The following CTNNAL1 variants were observed in gnomAD, a reference collection of about 807,000 sequenced individuals.
CTNNAL1 encodes alpha-catulin.
CTNNAL1 carries 69 observed loss-of-function variants against 93.6 expected under a neutral mutation model. The ratio of observed to expected loss-of-function variants is 0.74; its 90% CI spans 0.61 to 0.90. The LOEUF (loss-of-function observed/expected upper bound fraction) is 0.90. Among genes scored for constraint, CTNNAL1 ranks in the 40% least tolerant of loss-of-function variants. The probability of loss-of-function intolerance (pLI) is 0.00; values close to 1 mark genes in which losing one functional copy is unlikely to be tolerated. For synonymous variants in CTNNAL1, 286 were observed against 305.4 expected (o/e 0.94, Z 0.66); for missense variants, 836 against 862.0 (o/e 0.97, Z 0.38).
chr9:108,976,636 T>C (rs1388555954), intron 8 of CTNNAL1, among the ~76,000 whole-genome samples: 2 of 152,102 alleles, frequency 1.3e-5, no homozygotes, highest in Non-Finnish European at 2.9e-5. Context: ...GATCAGGTGA[T>C]TCTCCCACTT....
chr9:108,992,618 A>G lies in CTNNAL1; in HGVS notation c.519+14T>C. On this transcript the variant is annotated intron_variant, in intron 3 of 18. Transcript: ENST00000325551. ...AGAAAGACAAAAATACAGCAACATCAGAAAGGTAAGTACCTTATTTCTTGA... is the reference window on the plus strand; with the variant it reads ...AGAAAGACAAAAATACAGCAACATCGGAAAGGTAAGTACCTTATTTCTTGA... The G allele has an allele frequency of 1.0e-5, 16 of 1,590,130 alleles. No individual in the cohort carries two copies. Among genetic ancestry groups the G allele is most frequent in the Non-Finnish European group, 1.4e-5 (16 of 1,169,652 alleles).
intron 14 of CTNNAL1, chr9:108,950,807 T>G: frequency 1.7e-6 from 1 of 574,252 alleles, no homozygotes; most frequent in Non-Finnish European, 3.0e-6. Context: ...CTTCCATGTG[T>G]TTTATAGAGA....
chr9:108,972,869 T>TG, intron 8 of CTNNAL1, 36 bp from the exon 9 acceptor site: 5 of 1,141,204 alleles, frequency 4.4e-6, no homozygotes, highest in Non-Finnish European at 5.9e-6. Context: ...GGTGGGAGGG[T>TG]GGAGAAGGAG....
At chr9:108,964,966 G>A (rs1176963654) in intron 11 of CTNNAL1, among the ~76,000 whole-genome samples, 2 of 152,020 alleles carry the variant, frequency 1.3e-5, no homozygotes, top group African/African-American at 4.8e-5. Context: ...GGGTTCAAGT[G>A]ATTCTCGTGC....
chr9:108,960,592 C>T (rs1830798377), intron 11 of CTNNAL1, among the ~76,000 whole-genome samples: 1 of 152,174 alleles, frequency 6.6e-6, no homozygotes, highest in Non-Finnish European at 1.5e-5. Context: ...AACTGCCCTA[C>T]ATAGTTTAGT....
chr9:108,962,215 C>T (rs2132113288), intron 11 of CTNNAL1, among the ~76,000 whole-genome samples: 1 of 152,280 alleles, frequency 6.6e-6, no homozygotes, highest in Admixed American at 6.5e-5. Context: ...AGAAAATGGA[C>T]ATCCAGCACT....
At chr9:108,946,160 G>A (rs963925403) in intron 15 of CTNNAL1, among the ~76,000 whole-genome samples, 11 of 152,100 alleles carry the variant, frequency 7.2e-5, no homozygotes, top group South Asian at 4.1e-4. Context: ...TTAGCTGGGC[G>A]TGGTAGCGCA....
chr9:108,984,481 C>A, intron 4 of CTNNAL1, 45 bp from the exon 5 acceptor site: 2 of 1,046,630 alleles, frequency 1.9e-6, no homozygotes, highest in Non-Finnish European at 1.5e-6. Context: ...ACCATGTGAA[C>A]AACCCAATTT....
intron 12 of CTNNAL1, among the ~76,000 whole-genome samples, chr9:108,953,335 G>A (rs1830612052): frequency 6.6e-6 from 1 of 152,182 alleles, no homozygotes; most frequent in African/African-American, 2.4e-5. Context: ...CCACAGAGGG[G>A]ATTCCTCCAA....
intron 17 of CTNNAL1, among the ~76,000 whole-genome samples, chr9:108,943,423 G>A (rs1022379783): frequency 6.6e-6 from 1 of 152,128 alleles, no homozygotes. Flanking sequence ...GACCAGACTC[G>A]GAGGCACCTG....
chr9:108,990,736 T>A lies in CTNNAL1; in HGVS notation c.629A>T (p.Asp210Val), dbSNP rs1272766622. 2 of 1,612,052 alleles carry A rather than the reference T, an allele frequency of 1.2e-6. No individual in the cohort carries two copies. Among genetic ancestry groups the A allele is most frequent in the African/African-American group, 1.3e-5 (1 of 74,974 alleles). The change falls in exon 4 of 19, where the codon GAT becomes GTT. Residue 210 changes from aspartate (D) to valine (V), a missense_variant. Asp to Val is a radical substitution (Grantham distance 152). Coordinates refer to ENST00000325551, the MANE Select transcript of CTNNAL1 (RefSeq NM_003798.4). Reference sequence around the variant, plus strand: ...GTGATGAATACATACATTTTGTCTATCTCCACTCAGATGTGCAAACTCCAC... The same window carrying A: ...GTGATGAATACATACATTTTGTCTAACTCCACTCAGATGTGCAAACTCCAC... ...EMVEFAHLSG[D>V]RQNDLKDEKK...
At chr9:108,942,868 C>T in intron 18 of CTNNAL1, 34 bp from the exon 19 acceptor site, 1 of 1,611,830 alleles carries the variant, frequency 6.2e-7, no homozygotes, top group Non-Finnish European at 8.5e-7. Flanking sequence ...TATCTGGTTT[C>T]ACTCTGAAAA....
rs780988926 is a variant in CTNNAL1, at chr9:108,952,546, T to C, written c.1630-52A>G. The C allele has an allele frequency of 3.1e-6, 5 of 1,601,852 alleles. No individual in the cohort carries two copies. The Admixed American group carries it at 5.1e-5, about 16-fold the overall frequency. On this transcript the variant is annotated intron_variant, in intron 12 of 18. Coordinates refer to ENST00000325551, the MANE Select transcript of CTNNAL1 (RefSeq NM_003798.4). ...TCTTAAAAAGCAGTACATTAAACTG[T>C]AAGGAAATACAATAGTAATACAAAG...
rs1397793951 is a variant in CTNNAL1, at chr9:109,002,416, G to A, written c.142-3160C>T. Among the ~76,000 whole-genome samples, 8 of 152,126 alleles carry A rather than the reference G, an allele frequency of 5.3e-5. No homozygotes were observed. The East Asian group carries it at 5.8e-4, about 11-fold the overall frequency. Reference sequence around the variant, plus strand: ...CCAACAATCAGGCCATAGCAGAAGCGACGGGTAAAAGCTTAAGGAAAAGTG... The same window carrying A: ...CCAACAATCAGGCCATAGCAGAAGCAACGGGTAAAAGCTTAAGGAAAAGTG... On this transcript the variant is annotated intron_variant, in intron 1 of 18. Coordinates refer to ENST00000325551, the MANE Select transcript of CTNNAL1 (RefSeq NM_003798.4).
Position 108,972,814 on chromosome 9 carries a change from T to C in CTNNAL1, c.1208A>G (p.Gln403Arg), listed in dbSNP as rs748578528. 2 of 1,481,670 alleles carry C rather than the reference T, an allele frequency of 1.3e-6. No individual in the cohort carries two copies. The highest frequency in any genetic ancestry group is 2.0e-5 in the Admixed American group (1 of 51,020). 91.8% of individuals were successfully genotyped at this position (1,481,670 alleles called of 1,614,324 possible). The change falls in exon 9 of 19, where the codon CAG (glutamine) becomes CGG (arginine). Residue 403 changes from glutamine to arginine, a missense_variant. Physicochemically the swap from Gln to Arg is conservative, Grantham distance 43 (BLOSUM62 1). Coordinates refer to ENST00000325551, the MANE Select transcript of CTNNAL1 (RefSeq NM_003798.4). Reference sequence around the variant, plus strand: ...GTATTTTAATAGATCTGCTGCCAGCTGTGTCGCTGTACTATGAAGCTGCAG... The same window carrying C: ...GTATTTTAATAGATCTGCTGCCAGCCGTGTCGCTGTACTATGAAGCTGCAG... ...LKKELHSTATQLAADLLKYHA... is the reference protein window; with the variant it reads ...LKKELHSTATRLAADLLKYHA...
chr9:108,949,313 A>T (rs554853946), intron 14 of CTNNAL1, among the ~76,000 whole-genome samples: 1 of 152,322 alleles, frequency 6.6e-6, no homozygotes, highest in East Asian at 1.9e-4. Flanking sequence ...CCCAGTGTCC[A>T]TGGGATACTC....
chr9:108,981,103 G>A (rs953064892), intron 6 of CTNNAL1, among the ~76,000 whole-genome samples: 5 of 152,224 alleles, frequency 3.3e-5, no homozygotes, highest in African/African-American at 7.2e-5. Flanking sequence ...CAGAGCTGTC[G>A]GCAGCAGCCA....
At chr9:108,958,938 G>A (rs147174479) in intron 11 of CTNNAL1, among the ~76,000 whole-genome samples, 107 of 148,116 alleles carry the variant, frequency 7.2e-4, no homozygotes, top group African/African-American at 2.3e-3. Flanking sequence ...AATTATTGCC[G>A]TTGATTCTAA....
intron 4 of CTNNAL1, 121 bp downstream of exon 4, chr9:108,990,605 G>A: frequency 8.0e-7 from 1 of 1,247,142 alleles, no homozygotes; most frequent in African/African-American, 1.5e-5. Context: ...AGGCTTTCAA[G>A]ACCAAGGCTA....
Sources: allele counts gnomAD v4.1 joint callset (sites outside exome capture counted in the v4.1 genomes callset), GRCh38; gene constraint gnomAD v4.1.1; transcripts MANE v1.5; gene names NCBI Gene and HGNC (gene_info 2026-07-23, HGNC 2026-07-21).